Variants in DNER observed in about 807,000 individuals in gnomAD.
DNER encodes the protein delta/notch like EGF repeat containing.
Under a neutral mutation model 78.2 loss-of-function variants are expected in DNER, and 33 were observed. That is an observed-to-expected ratio of 0.42 (90% CI 0.32 to 0.56). The LOEUF is 0.56. DNER is among the 20% of genes least tolerant of loss of function. The pLI, the probability that DNER is intolerant of heterozygous loss-of-function variation, is 0.11. For missense variants in DNER, 918 were observed against 975.3 expected (o/e 0.94, Z 0.78); for synonymous variants, 417 against 384.8 (o/e 1.08, Z -0.98).
intron 1 of DNER, among the ~76,000 whole-genome samples, chr2:229,613,584 C>T (rs1029173087): frequency 4.0e-5 from 6 of 151,610 alleles, no homozygotes; most frequent in Admixed American, 1.3e-4. Flanking sequence ...TAATATATGG[C>T]GCAGGGAAGA....
chr2:229,623,537 G>A (rs140945021), intron 1 of DNER, among the ~76,000 whole-genome samples: 35 of 152,328 alleles, frequency 2.3e-4, no homozygotes, highest in African/African-American at 8.4e-4. Context: ...GTCCTTAGGG[G>A]AGGCCTGCTA....
At chr2:229,418,070 G>C (rs1275657928) in intron 9 of DNER, 38 bp downstream of exon 9, 4 of 1,613,780 alleles carry the variant, frequency 2.5e-6, no homozygotes, top group Non-Finnish European at 3.4e-6. Flanking sequence ...ACGTCATTTA[G>C]AGCCATTCTG....
At chr2:229,581,974 C>G (rs1456693232) in intron 4 of DNER, among the ~76,000 whole-genome samples, 1 of 152,100 alleles carries the variant, frequency 6.6e-6, no homozygotes, top group Non-Finnish European at 1.5e-5. Context: ...AAGCAGGAGA[C>G]AGTCAATTCC....
chr2:229,489,395 C>T (rs1695345881), intron 6 of DNER, among the ~76,000 whole-genome samples: 1 of 152,122 alleles, frequency 6.6e-6, no homozygotes, highest in Non-Finnish European at 1.5e-5. Flanking sequence ...GAGATGATGG[C>T]ACCACTGATA....
intron 1 of DNER, among the ~76,000 whole-genome samples, chr2:229,597,077 A>T (rs985481503): frequency 6.6e-6 from 1 of 150,958 alleles, no homozygotes; most frequent in African/African-American, 2.4e-5. Flanking sequence ...GAACACAAAC[A>T]TGTGTGCACA....
At chr2:229,449,893 TG>T (rs1694420230) in intron 7 of DNER, among the ~76,000 whole-genome samples, 1 of 152,234 alleles carries the variant, frequency 6.6e-6, no homozygotes, top group South Asian at 2.1e-4. Context: ...GCGATTCTCC[TG>T]CCTCAGCCTC....
intron 1 of DNER, among the ~76,000 whole-genome samples, chr2:229,698,144 C>T (rs1360212534): frequency 2.0e-5 from 3 of 152,082 alleles, no homozygotes; most frequent in African/African-American, 4.8e-5. Flanking sequence ...TTCAAGGCTG[C>T]GGTGGGCTGT....
intron 4 of DNER, among the ~76,000 whole-genome samples, chr2:229,565,164 T>A (rs1559168748): frequency 6.6e-6 from 1 of 152,186 alleles, no homozygotes. Flanking sequence ...CTTAGAATTG[T>A]TAGAAGTCTG....
In DNER at chr2:229,601,718, T is replaced by C. The variant is rs1697829474; in HGVS notation, c.277-9830A>G. ...CCATTAAAAATAAACTCTTACATAT[T>C]GTTTCCCTACTTTTTCATGCTGTCT... On this transcript the variant is annotated intron_variant, in intron 1 of 12. Transcript: ENST00000341772. Among the ~76,000 whole-genome samples, 3 of 152,206 alleles carry C rather than the reference T, an allele frequency of 2.0e-5. No homozygotes were observed. The South Asian group carries it at 6.2e-4, about 32-fold the overall frequency.
intron 1 of DNER, among the ~76,000 whole-genome samples, chr2:229,654,650 C>A (rs1698883584): frequency 6.6e-6 from 1 of 152,154 alleles, no homozygotes; most frequent in East Asian, 1.9e-4. Context: ...TCGGGCACTG[C>A]CTATGCTTAT....
chr2:229,501,797 A>C (rs888587240), intron 6 of DNER, among the ~76,000 whole-genome samples: 13 of 152,222 alleles, frequency 8.5e-5, no homozygotes, highest in African/African-American at 3.1e-4. Context: ...AGGTTAATTA[A>C]TTGATATTAA....
intron 11 of DNER, among the ~76,000 whole-genome samples, chr2:229,375,913 C>A (rs1316269168): frequency 6.6e-6 from 1 of 152,148 alleles, no homozygotes; most frequent in African/African-American, 2.4e-5. Context: ...GTGGAAGTAA[C>A]TGAATCATGG....
intron 1 of DNER, among the ~76,000 whole-genome samples, chr2:229,677,879 G>A (rs1009891622): frequency 1.1e-4 from 16 of 152,228 alleles, no homozygotes; most frequent in African/African-American, 3.9e-4. Flanking sequence ...CCTGAACTCT[G>A]ACTTTCATAT....
chr2:229,664,916 A>T (rs1487135769), intron 1 of DNER, among the ~76,000 whole-genome samples: 1 of 152,216 alleles, frequency 6.6e-6, no homozygotes, highest in Non-Finnish European at 1.5e-5. Flanking sequence ...AAAAAGTTAC[A>T]TATAATACTT....
intron 6 of DNER, among the ~76,000 whole-genome samples, chr2:229,477,681 A>T (rs1404925349): frequency 1.3e-5 from 2 of 152,196 alleles, no homozygotes; most frequent in African/African-American, 2.4e-5. Flanking sequence ...GCATTAGGAA[A>T]ATGTCTAGGT....
chr2:229,509,648 T>A (rs1212686216), intron 6 of DNER, among the ~76,000 whole-genome samples: 4 of 152,168 alleles, frequency 2.6e-5, no homozygotes, highest in African/African-American at 9.7e-5. Flanking sequence ...ACCCTGTCTC[T>A]ACTAAAAGTA....
Position 229,447,965 on chromosome 2 carries a change from C to T in DNER, c.1262-425G>A, listed in dbSNP as rs116597566. Reference sequence around the variant, plus strand: ...AATGGGGAACACATTTCTTATTTTGCTTTAATAGATATGACATAATCCTGA... The same window carrying T: ...AATGGGGAACACATTTCTTATTTTGTTTTAATAGATATGACATAATCCTGA... On this transcript the variant is annotated intron_variant, in intron 7 of 12. Transcript: ENST00000341772. 2.6e-3 allele frequency among the ~76,000 whole-genome samples: 394 copies of T among 152,248 alleles called. 5 individuals are homozygous for T. Among genetic ancestry groups the T allele is most frequent in the African/African-American group, 8.9e-3 (370 of 41,540 alleles).
At chr2:229,657,973 G>A (rs944985722) in intron 1 of DNER, among the ~76,000 whole-genome samples, 1 of 152,086 alleles carries the variant, frequency 6.6e-6, no homozygotes, top group Non-Finnish European at 1.5e-5. Flanking sequence ...CATGTAAAAT[G>A]TCCCTAAGTC....
At chr2:229,510,656 G>C (rs1695848396) in intron 6 of DNER, among the ~76,000 whole-genome samples, 1 of 152,194 alleles carries the variant, frequency 6.6e-6, no homozygotes, top group African/African-American at 2.4e-5. Context: ...GCTGGAAGAC[G>C]AGCTGTGTAG....
Sources: gnomAD v4.1 joint callset for allele counts (sites outside exome capture counted in the v4.1 genomes callset) on GRCh38, gnomAD v4.1.1 for gene constraint, MANE v1.5 for transcripts, NCBI Gene and HGNC (gene_info 2026-07-23, HGNC 2026-07-21) for gene names.